The following SFSWAP variants were observed in gnomAD, a reference collection of about 807,000 sequenced individuals.
SFSWAP encodes the protein splicing factor SWAP, also known as splicing factor, suppressor of white-apricot homolog.
A neutral mutation model predicts 100.7 loss-of-function variants in SFSWAP; 17 were observed. The ratio of observed to expected loss-of-function variants is 0.17; its 90% CI spans 0.12 to 0.25. The LOEUF is 0.25. Among genes scored for constraint, SFSWAP ranks in the 10% least tolerant of loss-of-function variants. The probability of loss-of-function intolerance (pLI) is 1.00; values close to 1 mark genes in which losing one functional copy is unlikely to be tolerated. For synonymous variants in SFSWAP, 504 were observed against 510.1 expected, an observed-to-expected ratio of 0.99 and a Z score of 0.16; for missense variants, 1,005 against 1,262.6, an observed-to-expected ratio of 0.80 and a Z score of 3.09.
At chr12:131,722,859 G>A (rs1878607423) in intron 4 of SFSWAP, among the ~76,000 whole-genome samples, 1 of 152,154 alleles carries the variant, frequency 6.6e-6, no homozygotes, top group Admixed American at 6.5e-5. Flanking sequence ...CAAGGCGGGA[G>A]GATGGTTTGA....
intron 6 of SFSWAP, 77 bp from the exon 7 acceptor site, chr12:131,728,216 G>T (rs1450702612): frequency 1.3e-6 from 2 of 1,546,796 alleles, no homozygotes; most frequent in African/African-American, 2.7e-5. Context: ...GAGTCCTAAA[G>T]GTGAGCCTTT....
chr12:131,797,271 G>A lies in SFSWAP; in HGVS notation c.2628G>A (p.Ala876=), dbSNP rs201553124. 4.1e-5 allele frequency: 66 copies of A among 1,612,280 alleles called. No individual in the cohort carries two copies. The highest frequency in any genetic ancestry group is 3.0e-4 in the South Asian group (27 of 91,028). Residue 876 remains alanine, a synonymous_variant, in exon 16 of 18, where the codon GCG becomes GCA. Transcript: ENST00000261674. ...SQSVSPSKQA[A]PRPAAPAAHS... ...CGGTGTCACCCAGCAAGCAGGCAGCGCCCCGGCCCGCGGCCCCCGCGGCCC... is the reference window on the plus strand; with the variant it reads ...CGGTGTCACCCAGCAAGCAGGCAGCACCCCGGCCCGCGGCCCCCGCGGCCC...
chr12:131,728,373 A>C lies in SFSWAP; in HGVS notation c.1026A>C (p.Pro342=). The C allele has an allele frequency of 3.1e-6, 5 of 1,614,154 alleles. No homozygotes were observed. The highest frequency in any genetic ancestry group is 4.2e-6 in the Non-Finnish European group (5 of 1,180,038). The change falls in exon 7 of 18, where the codon CCA becomes CCC. Residue 342 remains proline (P), a synonymous_variant. Coordinates refer to ENST00000261674, the MANE Select transcript of SFSWAP (RefSeq NM_004592.4). The part of the protein sequence containing the change: ...KAQADSSTPT[P]HNADGAPVQP... ...AGGCTGACAGTTCCACTCCCACCCC[A>C]CACAACGCAGACGGTGCGCCTGTGC...
At position 131,714,965 on chromosome 12, in the gene SFSWAP, G is replaced by C. The variant is rs367597455; in HGVS notation, c.520+12G>C. 6.7e-5 allele frequency: 108 copies of C among 1,613,506 alleles called. 2 individuals carry two copies. In the Middle Eastern group the frequency reaches 1.4e-3, roughly 21 times the overall value. On this transcript the variant is annotated intron_variant, in intron 3 of 17. Coordinates refer to ENST00000261674, the MANE Select transcript of SFSWAP (RefSeq NM_004592.4). This position sits in a 1 kb window ranked among gnomAD's most constrained non-coding sequence, Gnocchi z 6.0. ...TTCCAAACAGAGAGGTGAGTGGGGA[G>C]CTGCCTGGACTGCTGGTGTAGGGCT...
chr12:131,715,992 A>G (rs1877876058), intron 3 of SFSWAP, among the ~76,000 whole-genome samples: 1 of 152,204 alleles, frequency 6.6e-6, no homozygotes, highest in Non-Finnish European at 1.5e-5. Flanking sequence ...GAGCCACCAC[A>G]TCCAGCCAAG....
chr12:131,715,065 C>G lies in SFSWAP; in HGVS notation c.520+112C>G, dbSNP rs1033805082. 2.4e-5 allele frequency: 25 copies of G among 1,057,082 alleles called. 1 individual carries two copies. The African/African-American group carries it at 3.3e-4, about 14-fold the overall frequency. 65.5% of individuals were successfully genotyped at this position (1,057,082 alleles called of 1,614,324 possible). A position where few individuals can be genotyped will look rare whatever the true frequency, so the allele number is the denominator to read the frequency against. On this transcript the variant is annotated intron_variant, in intron 3 of 17. Coordinates refer to ENST00000261674, the MANE Select transcript of SFSWAP (RefSeq NM_004592.4). ...ATCTCTGGCACTCATGATAGCACCA[C>G]TATGACCACAGGAGAAAACGGGAGT... is the stretch of plus-strand genomic sequence containing the variant.
rs755819493 is a variant in SFSWAP at position 131,731,901 on chromosome 12, C to CTTTTTT, written c.1081+3494_1081+3499dup. Among the ~76,000 whole-genome samples the CTTTTTT allele has an allele frequency of 1.1e-4, 6 of 55,310 alleles. 1 individual carries two copies. The highest frequency in any genetic ancestry group is 1.7e-4 in the Non-Finnish European group (5 of 30,298). 36.3% of individuals were successfully genotyped at this position (55,310 alleles called of 152,430 possible). A position where few individuals can be genotyped will look rare whatever the true frequency, so the allele number is the denominator to read the frequency against. On this transcript the variant is annotated intron_variant, in intron 7 of 17. Transcript: ENST00000261674. ...TTTTTGAGTATGCATTACTATTTTA[C>CTTTTTT]TTTTTTTTTTTTTTTTTTTTTTTTT...
chr12:131,776,611 C>G (rs1884044918), intron 13 of SFSWAP, among the ~76,000 whole-genome samples: 1 of 152,214 alleles, frequency 6.6e-6, no homozygotes, highest in South Asian at 2.1e-4. Context: ...GGGAGGGAAG[C>G]CCCCTTACCA....
chr12:131,779,170 C>T (rs952151894), intron 14 of SFSWAP, among the ~76,000 whole-genome samples: 2 of 148,934 alleles, frequency 1.3e-5, no homozygotes, highest in African/African-American at 2.5e-5. Context: ...AGAGATGCAG[C>T]GACGGTGAGT....
intron 11 of SFSWAP, chr12:131,757,220 C>G (rs1321316551): frequency 6.5e-6 from 1 of 153,116 alleles, no homozygotes; most frequent in Non-Finnish European, 1.5e-5. Flanking sequence ...GAGGGAGGTT[C>G]TGTGGAGTAG....
chr12:131,766,436 C>T (rs1030596617), intron 13 of SFSWAP, 128 bp downstream of exon 13: 4 of 837,488 alleles, frequency 4.8e-6, no homozygotes, highest in African/African-American at 3.4e-5. Context: ...CTCTTCCTCC[C>T]GACATGGTTG....
Position 131,752,478 on chromosome 12 carries a change from C to G in SFSWAP, c.1082-645C>G, listed in dbSNP as rs563167696. Among the ~76,000 whole-genome samples the G allele has an allele frequency of 1.9e-4, 29 of 152,314 alleles. 1 individual carries two copies. The South Asian group carries it at 6.0e-3, about 32-fold the overall frequency. Reference sequence around the variant, plus strand: ...TGTGTGCACAGCATAGGTGGCAAGACGGCATACATCACTGTCTGTGATGGA... The same window carrying G: ...TGTGTGCACAGCATAGGTGGCAAGAGGGCATACATCACTGTCTGTGATGGA... On this transcript the variant is annotated intron_variant, in intron 7 of 17. Transcript: ENST00000261674.
At position 131,764,649 on chromosome 12, in the gene SFSWAP, G is replaced by A; in HGVS notation, c.1914G>A (p.Lys638=). Residue 638 remains lysine, a synonymous_variant, in exon 12 of 18, where the codon AAG becomes AAA. Transcript: ENST00000261674. ...CCTGTGTAGTTGTTGAGGAGAAGAA[G>A]CCTCAACTTACCCAGGAGGAGCTAG... ...APPCVVVEEK[K]PQLTQEELEA... 1 of 1,614,020 alleles carries A rather than the reference G, an allele frequency of 6.2e-7. No individual in the cohort carries two copies. Among genetic ancestry groups the A allele is most frequent in the Non-Finnish European group, 8.5e-7 (1 of 1,179,886 alleles).
chr12:131,793,457 A>T (rs1885420075), intron 15 of SFSWAP, among the ~76,000 whole-genome samples: 1 of 152,170 alleles, frequency 6.6e-6, no homozygotes, highest in Admixed American at 6.5e-5. Flanking sequence ...TGCATGCTGT[A>T]TGCAAAATTT....
rs144556960 is a variant in SFSWAP, at chr12:131,753,354, C to T, written c.1313C>T (p.Thr438Ile). Residue 438 changes from threonine (T) to isoleucine (I), a missense_variant, in exon 8 of 18, where the codon ACC (threonine) becomes ATC (isoleucine). Around this residue, in one of 7 missense-constraint regions of SFSWAP, gnomAD observed 311 missense variants for 317.8 expected, o/e 0.98. Transcript: ENST00000261674. ...AGCAGCGGGGCCACCTCCACAACCA[C>T]CACCACAAGGTAGGTGCAGCGTCCA... ...ETSSGATSTT[T>I]TTSALAPVAA... 1.9e-6 allele frequency: 3 copies of T among 1,613,078 alleles called. No homozygotes were observed. Among genetic ancestry groups the T allele is most frequent in the Non-Finnish European group, 2.5e-6 (3 of 1,179,264 alleles).
At chr12:131,746,905 C>T (rs1030649709) in intron 7 of SFSWAP, among the ~76,000 whole-genome samples, 10 of 152,174 alleles carry the variant, frequency 6.6e-5, no homozygotes, top group African/African-American at 2.4e-4. Flanking sequence ...GAGATCGAGA[C>T]CATCCTGGCT....
chr12:131,781,992 G>A (rs1403636432), intron 14 of SFSWAP, among the ~76,000 whole-genome samples: 1 of 152,250 alleles, frequency 6.6e-6, no homozygotes, highest in East Asian at 1.9e-4. Flanking sequence ...GGGCATAGCT[G>A]GGTGCAGAGA....
intron 3 of SFSWAP, among the ~76,000 whole-genome samples, chr12:131,717,377 A>G (rs1326138058): frequency 6.6e-6 from 1 of 152,148 alleles, no homozygotes; most frequent in Non-Finnish European, 1.5e-5. Flanking sequence ...TTTCATCATT[A>G]TTCTATATCC....
chr12:131,745,693 A>T (rs1409806768), intron 7 of SFSWAP, among the ~76,000 whole-genome samples: 3 of 151,936 alleles, frequency 2.0e-5, no homozygotes, highest in Non-Finnish European at 4.4e-5. Flanking sequence ...AGTCTGAAGG[A>T]CCTAAAAATA....
Sources: gnomAD v4.1 joint callset for allele counts (sites outside exome capture counted in the v4.1 genomes callset) on GRCh38, gnomAD v4.1.1 for gene constraint, gnomAD v4.1.1 regional missense constraint, Gnocchi (gnomAD v3.1) non-coding constraint, MANE v1.5 for transcripts, NCBI Gene and HGNC (gene_info 2026-07-23, HGNC 2026-07-21) for gene names.